The following C1QBP variants were observed in gnomAD, a reference collection of about 807,000 sequenced individuals.
The protein encoded by C1QBP is complement C1q binding protein.
C1QBP carries 24 observed loss-of-function variants against 29.4 expected under a neutral mutation model. The observed-to-expected ratio is 0.82, with a 90% CI of 0.59 to 1.15. The LOEUF (loss-of-function observed/expected upper bound fraction) is 1.15, where lower values mean the gene tolerates loss of function less well. Ranked by LOEUF, C1QBP falls within the 50% of genes most tolerant of loss-of-function variation. The pLI, the probability that C1QBP is intolerant of heterozygous loss-of-function variation, is 0.00. For synonymous variants in C1QBP, 182 were observed against 149.2 expected, an observed-to-expected ratio of 1.22 and a Z score of -1.60; for missense variants, 337 against 355.8, an observed-to-expected ratio of 0.95 and a Z score of 0.43.
At chr17:5,438,454 G>C (rs895694399) in intron 1 of C1QBP, 181 bp from the exon 2 acceptor site, 1 of 842,160 alleles carries the variant, frequency 1.2e-6, no homozygotes, top group Non-Finnish European at 1.8e-6. Context: ...AGCTGAGCCT[G>C]ATTCTGGAAA....
intron 3 of C1QBP, among the ~76,000 whole-genome samples, chr17:5,434,460 CTCTCTT>C (rs967197272): frequency 6.6e-5 from 8 of 120,346 alleles, no homozygotes; most frequent in East Asian, 4.0e-4. Flanking sequence ...GCCATTCTCT[CTCTCTT>C]TTTTTTTTTT....
In C1QBP at chr17:5,434,885, A is replaced by G. The variant is rs1916228212; in HGVS notation, c.465T>C (p.Val155=). The G allele has an allele frequency of 1.2e-6, 2 of 1,613,334 alleles. No homozygotes were observed. The highest frequency in any genetic ancestry group is 2.2e-5 in the East Asian group (1 of 44,874). Residue 155 remains valine (V), a synonymous_variant, in exon 3 of 6, where the codon GTT becomes GTC. Transcript: ENST00000225698. ...GEEEPSQGQK[V]EEQEPELTST... ...AGTATTAGCTTACCTCCTGTTCTTC[A>G]ACCTTCTGCCCTTGCGAGGGTTCCT...
intron 4 of C1QBP, 30 bp from the exon 5 acceptor site, chr17:5,433,445 G>A: frequency 6.2e-7 from 1 of 1,613,918 alleles, no homozygotes; most frequent in Non-Finnish European, 8.5e-7. Context: ...GGAAACTGAA[G>A]GGTTCTCCAG....
At chr17:5,433,470 AG>A in intron 4 of C1QBP, 55 bp from the exon 5 acceptor site, 1 of 1,606,354 alleles carries the variant, frequency 6.2e-7, no homozygotes, top group Admixed American at 1.7e-5. Context: ...AGCTAGACTC[AG>A]GGGAAGAAAG....
In C1QBP at chr17:5,438,901, A is replaced by C. The variant is rs1167895229; in HGVS notation, c.173T>G (p.Leu58Arg). 3.9e-6 allele frequency: 6 copies of C among 1,540,122 alleles called. No individual in the cohort carries two copies. Among genetic ancestry groups the C allele is most frequent in the Non-Finnish European group, 5.2e-6 (6 of 1,143,086 alleles). Reference protein sequence around the residue: ...VRAGSERRPGLLRPRGPCACG... With the variant: ...VRAGSERRPGRLRPRGPCACG... ...GGCGCAGGGTCCGCGAGGCCGCAGG[A>C]GGCCCGGCCGCCGCTCGGAACCTGC... Residue 58 changes from leucine to arginine, a missense_variant, in exon 1 of 6, where the codon CTC becomes CGC. By Grantham distance (102) the Leu-to-Arg change is moderately radical (BLOSUM62 -2). Transcript: ENST00000225698.
chr17:5,438,569 C>T, intron 1 of C1QBP: 2 of 736,436 alleles, frequency 2.7e-6, no homozygotes, highest in Non-Finnish European at 4.2e-6. Context: ...TTTTCAACCA[C>T]GACCATGGGC....
At chr17:5,434,150 C>A (rs138273823) in intron 3 of C1QBP, 308 of 200,226 alleles carry the variant, frequency 1.5e-3, no homozygotes, top group African/African-American at 6.6e-3. Flanking sequence ...GGGTCAAAGG[C>A]TGGGGAACCT....
At chr17:5,436,576 A>T (rs1916277144) in intron 2 of C1QBP, among the ~76,000 whole-genome samples, 1 of 151,742 alleles carries the variant, frequency 6.6e-6, no homozygotes, top group Non-Finnish European at 1.5e-5. Context: ...AGGTAAACTG[A>T]ACTTCCTCAA....
Position 5,433,077 on chromosome 17 carries a change from G to T in C1QBP, c.787C>A (p.Leu263Met). The part of the protein sequence containing the change: ...ADELVELSTA[L>M]EHQEYITFLE... The stretch of plus-strand genomic sequence containing the variant: ...AAAGTAATGTACTCCTGGTGCTCCA[G>T]GGCTGTGCTGAGCTCCACCAGCTCA... The change falls in exon 6 of 6, where the codon CTG (leucine) becomes ATG (methionine). Residue 263 changes from leucine (L) to methionine (M), a missense_variant. Leu to Met is a conservative substitution (Grantham distance 15). Coordinates refer to ENST00000225698, the MANE Select transcript of C1QBP (RefSeq NM_001212.4). The T allele has an allele frequency of 6.2e-7, 1 of 1,614,128 alleles. No homozygotes were observed. Among genetic ancestry groups the T allele is most frequent in the South Asian group, 1.1e-5 (1 of 91,074 alleles).
intron 1 of C1QBP, 133 bp downstream of exon 1, chr17:5,438,709 G>A: frequency 6.5e-7 from 1 of 1,531,664 alleles, no homozygotes; most frequent in Non-Finnish European, 8.8e-7. Context: ...ATGATCATAC[G>A]TGGGTTTAGC....
Position 5,434,970 on chromosome 17 carries a change from A to C in C1QBP, c.384-4T>G. 6.2e-7 allele frequency: 1 copy of C among 1,613,340 alleles called. No individual in the cohort carries two copies. The highest frequency in any genetic ancestry group is 8.5e-7 in the Non-Finnish European group (1 of 1,179,370). On this transcript the variant is annotated splice_region_variant and splice_polypyrimidine_tract_variant and intron_variant, in intron 2 of 5. Transcript: ENST00000225698. Reference sequence around the variant, plus strand: ...AATGTTGAAAGTGACCGTGATTCTAAAACGGCAAGGGAAAACAGACAAGGC... The same window carrying C: ...AATGTTGAAAGTGACCGTGATTCTACAACGGCAAGGGAAAACAGACAAGGC...
chr17:5,435,598 C>T (rs1916247366), intron 2 of C1QBP, among the ~76,000 whole-genome samples: 1 of 152,030 alleles, frequency 6.6e-6, no homozygotes, highest in African/African-American at 2.4e-5. Flanking sequence ...CCAGACACAC[C>T]AACTAGTGAC....
Position 5,438,377 on chromosome 17 carries a change from C to T in C1QBP, c.233-104G>A, listed in dbSNP as rs547131512. 1.4e-4 allele frequency: 195 copies of T among 1,353,022 alleles called. 1 individual carries two copies. The East Asian group carries it at 4.5e-3, about 31-fold the overall frequency. 83.8% of individuals were successfully genotyped at this position (1,353,022 alleles called of 1,614,324 possible). ...CAGAAACCTGGACTGTTTCTAATCTCTCTGCTATTACGGTTACTCTAGAAG... is the reference window on the plus strand; with the variant it reads ...CAGAAACCTGGACTGTTTCTAATCTTTCTGCTATTACGGTTACTCTAGAAG... On this transcript the variant is annotated intron_variant, in intron 1 of 5. Transcript: ENST00000225698.
chr17:5,438,668 G>A, intron 1 of C1QBP, 174 bp downstream of exon 1: 1 of 1,376,746 alleles, frequency 7.3e-7, no homozygotes, highest in Non-Finnish European at 9.8e-7. Context: ...AAAAGAAAAC[G>A]AAACTGCTGG....
chr17:5,435,098 G>T, intron 2 of C1QBP, 132 bp from the exon 3 acceptor site: 1 of 792,014 alleles, frequency 1.3e-6, no homozygotes, highest in Non-Finnish European at 2.1e-6. Context: ...GTCCTAGCTG[G>T]CTGAATTATA....
chr17:5,438,375 C>G, intron 1 of C1QBP, 102 bp from the exon 2 acceptor site: 1 of 1,368,308 alleles, frequency 7.3e-7, no homozygotes, highest in Admixed American at 2.4e-5. Flanking sequence ...TGTTTCTAAT[C>G]TCTCTGCTAT....
At chr17:5,437,534 C>T (rs1916307397) in intron 2 of C1QBP, among the ~76,000 whole-genome samples, 1 of 152,152 alleles carries the variant, frequency 6.6e-6, no homozygotes, top group South Asian at 2.1e-4. Context: ...TTAGTGTTAG[C>T]CAGGATTTTC....
At chr17:5,438,803 G>C (rs1916342365) in intron 1 of C1QBP, 39 bp downstream of exon 1, 1 of 1,546,888 alleles carries the variant, frequency 6.5e-7, no homozygotes, top group African/African-American at 1.4e-5. Context: ...TTTTCCCTCT[G>C]TTGAACGCAA....
At position 5,439,059 on chromosome 17, in the gene C1QBP, C is replaced by T. The variant is rs530371943; in HGVS notation, c.15G>A (p.Leu5=). The change falls in exon 1 of 6, where the codon CTG becomes CTA. Residue 5 remains leucine, a synonymous_variant. Transcript: ENST00000225698. MLPL[L]RCVPRVLGSS... The stretch of plus-strand genomic sequence containing the variant: ...AGCCCAGCACACGGGGCACGCAGCG[C>T]AGCAGAGGCAGCATCGCGGAAACGA... 2.6e-6 allele frequency: 4 copies of T among 1,538,110 alleles called. No homozygotes were observed. Among genetic ancestry groups the T allele is most frequent in the African/African-American group, 2.8e-5 (2 of 71,002 alleles).
Sources: allele counts gnomAD v4.1 joint callset (sites outside exome capture counted in the v4.1 genomes callset), GRCh38; gene constraint gnomAD v4.1.1; transcripts MANE v1.5; gene names NCBI Gene and HGNC (gene_info 2026-07-23, HGNC 2026-07-21).